PABPC4: variants seen among roughly 807,000 people sequenced by gnomAD.
The protein encoded by PABPC4 is polyadenylate-binding protein 4.
In PABPC4, 15 loss-of-function variants were observed where a neutral mutation model predicts 74.5. The observed-to-expected ratio is 0.20, with a 90% CI of 0.13 to 0.31. The LOEUF is 0.31. Ranked by LOEUF, PABPC4 falls within the 10% of genes least tolerant of loss-of-function variation. The pLI is 1.00. For synonymous variants in PABPC4, 345 were observed against 303.0 expected (o/e 1.14, Z -1.44); for missense variants, 610 against 853.5 (o/e 0.71, Z 3.55).
intron 14 of PABPC4, 65 bp from the exon 15 acceptor site, chr1:39,561,852 G>A: frequency 7.0e-7 from 1 of 1,436,654 alleles, no homozygotes. Context: ...CCAGTGCCCA[G>A]ACCTAGTGGT....
intron 8 of PABPC4, 94 bp downstream of exon 8, chr1:39,565,012 A>T: frequency 1.3e-5 from 17 of 1,354,358 alleles, no homozygotes; most frequent in East Asian, 2.3e-5. Context: ...GTGACATTCT[A>T]GAACTCTAAT....
In PABPC4 at chr1:39,561,104, G is replaced by A. The variant is rs1424405770; in HGVS notation, c.*32C>T. On this transcript the variant is annotated 3_prime_UTR_variant, in exon 16 of 16. Coordinates refer to ENST00000372858, the MANE Select transcript of PABPC4 (RefSeq NM_001135653.2). ...AACCTTGAGTTGAATTCCATAAGGGGTTATTTGGCTTTTGAATCCTGTAAA... is the reference window on the plus strand; with the variant it reads ...AACCTTGAGTTGAATTCCATAAGGGATTATTTGGCTTTTGAATCCTGTAAA... The A allele has an allele frequency of 4.3e-6, 2 of 470,570 alleles. No individual in the cohort carries two copies. The highest frequency in any genetic ancestry group is 1.6e-5 in the South Asian group (1 of 64,506). The allele number at this position is 470,570 out of a possible 1,614,324, so 29.1% of individuals were successfully genotyped here.
At chr1:39,570,483 T>C (rs1488367527) in intron 3 of PABPC4, 1 of 156,300 alleles carries the variant, frequency 6.4e-6, no homozygotes, top group Non-Finnish European at 1.4e-5. Context: ...TTTTTAGTGA[T>C]ATCTGTAGAT....
intron 14 of PABPC4, 123 bp from the exon 15 acceptor site, chr1:39,561,910 T>C: frequency 1.0e-5 from 12 of 1,178,402 alleles, no homozygotes; most frequent in African/African-American, 1.5e-5. Flanking sequence ...TGGTGCTAAC[T>C]ACTTTCCCAA....
chr1:39,572,011 T>A (rs1645948860), intron 2 of PABPC4, among the ~76,000 whole-genome samples: 1 of 152,216 alleles, frequency 6.6e-6, no homozygotes, highest in Non-Finnish European at 1.5e-5. Flanking sequence ...CCGTTTAAGT[T>A]TTAAAGTGCT....
intron 12 of PABPC4, 27 bp downstream of exon 12, chr1:39,563,587 T>A (rs767500176): frequency 3.7e-6 from 6 of 1,602,104 alleles, no homozygotes; most frequent in Admixed American, 1.7e-5. Flanking sequence ...GGAAATCCTT[T>A]TAAGCATTCT....
intron 12 of PABPC4, 122 bp downstream of exon 12, chr1:39,563,492 A>G: frequency 7.9e-7 from 1 of 1,267,610 alleles, no homozygotes; most frequent in South Asian, 1.5e-5. Flanking sequence ...GTGAATCAGA[A>G]CATAGCGTCA....
At position 39,569,575 on chromosome 1, in the gene PABPC4, A is replaced by C. The variant is rs370579276; in HGVS notation, c.738+20T>G. ...GGGCAACCTCTTAAAAGCTTTTCCC[A>C]ATCTTTGTGGTATACTCACCTTATT... On this transcript the variant is annotated intron_variant, in intron 5 of 15. Transcript: ENST00000372858. 24 of 1,596,210 alleles carry C rather than the reference A, an allele frequency of 1.5e-5. No homozygotes were observed. Among genetic ancestry groups the C allele is most frequent in the Non-Finnish European group, 2.0e-5 (23 of 1,163,994 alleles).
chr1:39,567,926 C>A, intron 6 of PABPC4, 80 bp from the exon 7 acceptor site: 1 of 768,612 alleles, frequency 1.3e-6, no homozygotes, highest in South Asian at 1.6e-5. Flanking sequence ...AGGGTGGCCC[C>A]AGACCAGGAG....
chr1:39,572,581 G>C lies in PABPC4; in HGVS notation c.199C>G (p.Arg67Gly). Reference protein sequence around the residue: ...VNFQQPADAERALDTMNFDVI... With the variant: ...VNFQQPADAEGALDTMNFDVI... Reference sequence around the variant, plus strand: ...TCAAAGTTCATGGTGTCCAAAGCCCGCTCAGCTGTAAGAGAGAAACACATT... The same window carrying C: ...TCAAAGTTCATGGTGTCCAAAGCCCCCTCAGCTGTAAGAGAGAAACACATT... Residue 67 changes from arginine (R) to glycine (G), a missense_variant, in exon 2 of 16, where the codon CGG (arginine) becomes GGG (glycine). Coordinates refer to ENST00000372858, the MANE Select transcript of PABPC4 (RefSeq NM_001135653.2). The C allele has an allele frequency of 6.2e-7, 1 of 1,612,494 alleles. No homozygotes were observed. The highest frequency in any genetic ancestry group is 8.5e-7 in the Non-Finnish European group (1 of 1,178,866).
At chr1:39,561,614 G>T in intron 15 of PABPC4, 71 bp downstream of exon 15, 2 of 1,075,494 alleles carry the variant, frequency 1.9e-6, no homozygotes. Flanking sequence ...TACAACCTCA[G>T]GTCAAACCAC....
rs971428037 is a variant in PABPC4 at position 39,571,335 on chromosome 1, C to G, written c.402G>C (p.Glu134Asp). The change falls in exon 3 of 16, where the codon GAG becomes GAC. Residue 134 changes from glutamate (E) to aspartate (D), a missense_variant. Glu to Asp is a conservative substitution (Grantham distance 45). Around this residue, in one of 4 missense-constraint regions of PABPC4, gnomAD observed 304 missense variants for 478.9 expected, o/e 0.63. Coordinates refer to ENST00000372858, the MANE Select transcript of PABPC4 (RefSeq NM_001135653.2). ...NILSCKVVCD[E>D]NGSKGYAFVH... ...CAAAGGCATAACCCTTAGAGCCGTTCTCATCACACACCACCTGTCAAAGAC... is the reference window on the plus strand; with the variant it reads ...CAAAGGCATAACCCTTAGAGCCGTTGTCATCACACACCACCTGTCAAAGAC... 6.2e-7 allele frequency: 1 copy of G among 1,614,182 alleles called. No individual in the cohort carries two copies.
chr1:39,569,701 G>A lies in PABPC4; in HGVS notation c.644-12C>T, dbSNP rs757293069. The A allele has an allele frequency of 3.7e-6, 6 of 1,605,454 alleles. No homozygotes were observed. The South Asian group carries it at 6.6e-5, about 18-fold the overall frequency. On this transcript the variant is annotated splice_polypyrimidine_tract_variant and intron_variant, in intron 4 of 15. Transcript: ENST00000372858. ...ACTTAGGGTCTTACCTATTACCAAA[G>A]GACAGAACTATTAGTAACACCATCT...
At chr1:39,566,910 A>G (rs1381280985) in intron 7 of PABPC4, among the ~76,000 whole-genome samples, 3 of 152,146 alleles carry the variant, frequency 2.0e-5, no homozygotes, top group Admixed American at 6.5e-5. Flanking sequence ...AACTGATAAC[A>G]TTGCTTTCCA....
intron 6 of PABPC4, 138 bp from the exon 7 acceptor site, chr1:39,567,984 G>A (rs1450725772): frequency 1.5e-5 from 9 of 585,134 alleles, no homozygotes; most frequent in East Asian, 6.0e-5. Context: ...TCGGCCGGAC[G>A]CGGTGGCTCA....
intron 9 of PABPC4, 26 bp from the exon 10 acceptor site, chr1:39,564,568 A>T: frequency 6.2e-7 from 1 of 1,613,810 alleles, no homozygotes; most frequent in Non-Finnish European, 8.5e-7. Flanking sequence ...ATTGCACATC[A>T]TTGAGAAGTG....
Position 39,571,220 on chromosome 1 carries a change from AC to A in PABPC4, c.503+13del. ...GCTCATGCGATGGTTGTTGCTCCGGACTGGGACACTCACACTTTGCGGTCAT... is the reference window on the plus strand; with the variant it reads ...GCTCATGCGATGGTTGTTGCTCCGGATGGGACACTCACACTTTGCGGTCAT... On this transcript the variant is annotated intron_variant, in intron 3 of 15. Transcript: ENST00000372858. 6.2e-7 allele frequency: 1 copy of A among 1,613,856 alleles called. No individual in the cohort carries two copies. The highest frequency in any genetic ancestry group is 1.3e-5 in the African/African-American group (1 of 75,022).
rs1338995379 is a variant in PABPC4, at chr1:39,563,619, G to C, written c.1663C>G (p.Leu555Val). The change falls in exon 12 of 16, where the codon CTG (leucine) becomes GTG (valine). Residue 555 changes from leucine (L) to valine (V), a missense_variant. By Grantham distance (32) the Leu-to-Val change is conservative. Transcript: ENST00000372858. ...TTCTGTCTGGTGAACCTCACCTGCAGAGGCTGTATGGCAGGATGAGGGCTG... is the reference window on the plus strand; with the variant it reads ...TTCTGTCTGGTGAACCTCACCTGCACAGGCTGTATGGCAGGATGAGGGCTG... ...VRSPHPAIQP[L>V]QAPQPAVHVQ... 1.2e-6 allele frequency: 2 copies of C among 1,613,616 alleles called. No individual in the cohort carries two copies. Among genetic ancestry groups the C allele is most frequent in the Non-Finnish European group, 1.7e-6 (2 of 1,179,754 alleles).
chr1:39,571,314 G>A lies in PABPC4; in HGVS notation c.423C>T (p.Ala141=), dbSNP rs768209520. The stretch of plus-strand genomic sequence containing the variant: ...CCTCTTGGGTCTCGAAGTGGACAAA[G>A]GCATAACCCTTAGAGCCGTTCTCAT... The part of the protein sequence containing the change: ...VCDENGSKGY[A]FVHFETQEAA... The change falls in exon 3 of 16, where the codon GCC becomes GCT. Residue 141 remains alanine (A), a synonymous_variant. Coordinates refer to ENST00000372858, the MANE Select transcript of PABPC4 (RefSeq NM_001135653.2). The A allele has an allele frequency of 3.7e-6, 6 of 1,614,038 alleles. No individual in the cohort carries two copies. In the Admixed American group the frequency reaches 6.7e-5, roughly 18 times the overall value.
Sources: allele counts gnomAD v4.1 joint callset (sites outside exome capture counted in the v4.1 genomes callset), GRCh38; gene constraint gnomAD v4.1.1; regional missense constraint gnomAD v4.1.1; transcripts MANE v1.5; gene names NCBI Gene and HGNC (gene_info 2026-07-23, HGNC 2026-07-21).